The following CEP128 variants were observed in gnomAD, a reference collection of about 807,000 sequenced individuals.
CEP128 encodes centrosomal protein 128, also known as centrosomal protein 128kDa.
In CEP128, 132 loss-of-function variants were observed where a neutral mutation model predicts 156.7. The ratio of observed to expected loss-of-function variants is 0.84; its 90% CI spans 0.73 to 0.97. The LOEUF (loss-of-function observed/expected upper bound fraction) is 0.97. Ranked by LOEUF, CEP128 falls within the 50% of genes least tolerant of loss-of-function variation. The pLI, the probability that CEP128 is intolerant of heterozygous loss-of-function variation, is 0.00. For missense variants in CEP128, 1,252 were observed against 1,281.9 expected (o/e 0.98, Z 0.36); for synonymous variants, 469 against 448.9 (o/e 1.04, Z -0.57).
intron 4 of CEP128, among the ~76,000 whole-genome samples, chr14:80,912,428 A>C (rs1294911228): frequency 6.6e-6 from 1 of 152,162 alleles, no homozygotes; most frequent in African/African-American, 2.4e-5. Flanking sequence ...CTAAGTAGGG[A>C]TCTAATATTC....
At chr14:80,859,019 C>A (rs1887365685) in intron 9 of CEP128, among the ~76,000 whole-genome samples, 1 of 151,808 alleles carries the variant, frequency 6.6e-6, no homozygotes, top group Non-Finnish European at 1.5e-5. Flanking sequence ...ACTAGAAATA[C>A]CATTTAACCC....
At chr14:80,501,364 A>G (rs994462302) in intron 24 of CEP128, among the ~76,000 whole-genome samples, 15 of 152,170 alleles carry the variant, frequency 9.9e-5, no homozygotes, top group Non-Finnish European at 5.9e-5. Flanking sequence ...CAACAACAAC[A>G]TTGGATTTTG....
intron 13 of CEP128, among the ~76,000 whole-genome samples, chr14:80,814,839 A>AGGAGTT (rs1301840778): frequency 6.6e-6 from 1 of 152,200 alleles, no homozygotes; most frequent in Non-Finnish European, 1.5e-5. Context: ...CAGGCAAATC[A>AGGAGTT]CGAGGTCAGG....
intron 19 of CEP128, among the ~76,000 whole-genome samples, chr14:80,684,362 C>A (rs943051406): frequency 6.6e-6 from 1 of 152,076 alleles, no homozygotes; most frequent in East Asian, 1.9e-4. Context: ...TGAATAAATT[C>A]TTGAAAATAC....
intron 9 of CEP128, among the ~76,000 whole-genome samples, chr14:80,850,441 C>T (rs1886834113): frequency 6.6e-6 from 1 of 152,138 alleles, no homozygotes. Flanking sequence ...TAGTAATTCC[C>T]TATCAAGTAT....
intron 2 of CEP128, among the ~76,000 whole-genome samples, chr14:80,920,548 A>G (rs959036077): frequency 1.3e-5 from 2 of 152,208 alleles, no homozygotes; most frequent in Non-Finnish European, 2.9e-5. Context: ...GTAAATAGTA[A>G]TATCACTGGC....
chr14:80,555,171 A>G (rs1890378723), intron 21 of CEP128, among the ~76,000 whole-genome samples: 1 of 152,102 alleles, frequency 6.6e-6, no homozygotes, highest in Non-Finnish European at 1.5e-5. Context: ...TCTCCTATGA[A>G]CCGACAGGGG....
intron 16 of CEP128, among the ~76,000 whole-genome samples, chr14:80,765,456 G>A (rs1900192523): frequency 6.6e-6 from 1 of 152,166 alleles, no homozygotes; most frequent in Admixed American, 6.5e-5. Context: ...TGGTCTTTCA[G>A]TCAATTCAGA....
chr14:80,835,500 T>C (rs1458758883), intron 12 of CEP128, among the ~76,000 whole-genome samples: 1 of 152,128 alleles, frequency 6.6e-6, no homozygotes, highest in Non-Finnish European at 1.5e-5. Flanking sequence ...CACCAATACT[T>C]TGAGCATTTG....
Position 80,900,038 on chromosome 14 carries a change from G to A in CEP128, c.481-9C>T. The A allele has an allele frequency of 6.3e-7, 1 of 1,575,376 alleles. No homozygotes were observed. The highest frequency in any genetic ancestry group is 8.7e-7 in the Non-Finnish European group (1 of 1,147,902). On this transcript the variant is annotated splice_polypyrimidine_tract_variant and intron_variant, in intron 6 of 24. Transcript: ENST00000555265. ...TGATGAAAACCATGAAGCTAGCAAA[G>A]GCAAAACACAGTTATCCATTTAGAA...
chr14:80,585,422 T>C (rs1482516083), intron 19 of CEP128, among the ~76,000 whole-genome samples: 1 of 152,228 alleles, frequency 6.6e-6, no homozygotes, highest in Non-Finnish European at 1.5e-5. Context: ...GTGAGTCATG[T>C]CCAGGTGTGT....
At chr14:80,732,491 TG>T in intron 19 of CEP128, among the ~76,000 whole-genome samples, 1 of 149,632 alleles carries the variant, frequency 6.7e-6, no homozygotes, top group Non-Finnish European at 1.5e-5. Flanking sequence ...TGTGTGTGTG[TG>T]TGTGTGTGTG....
At position 80,564,309 on chromosome 14, in the gene CEP128, C is replaced by A. The variant is rs184533028; in HGVS notation, c.2857-5007G>T. The stretch of plus-strand genomic sequence containing the variant: ...GGAGCAGTGCTAATAGCTGTTCTTA[C>A]CAATAAGTGAATATTACACTTTCTA... On this transcript the variant is annotated intron_variant, in intron 20 of 24. Transcript: ENST00000555265. 2.0e-3 allele frequency among the ~76,000 whole-genome samples: 305 copies of A among 152,252 alleles called. 2 individuals carry two copies. The highest frequency in any genetic ancestry group is 7.2e-3 in the African/African-American group (298 of 41,566).
intron 2 of CEP128, 45 bp downstream of exon 2, chr14:80,939,340 C>CAA (rs3832963): frequency 5.3e-5 from 8 of 151,832 alleles, no homozygotes; most frequent in African/African-American, 1.2e-4. Flanking sequence ...CATAAATATG[C>CAA]AAAAAATGTG....
chr14:80,892,626 G>C (rs1215367418), intron 8 of CEP128, among the ~76,000 whole-genome samples: 9 of 151,822 alleles, frequency 5.9e-5, no homozygotes, highest in Admixed American at 6.6e-5. Context: ...TACAAATTGA[G>C]AAAAATATTG....
At chr14:80,941,960 T>TG (rs1046408872), upstream of CEP128, among the ~76,000 whole-genome samples, 32 of 151,970 alleles carry the variant, frequency 2.1e-4, 1 homozygote, top group East Asian at 5.4e-3. Context: ...ATTTTTTTTT[T>TG]TTGTTAAAGG....
intron 24 of CEP128, among the ~76,000 whole-genome samples, 197 bp from the exon 25 acceptor site, chr14:80,497,779 T>A (rs1887557112): frequency 6.6e-6 from 1 of 152,154 alleles, no homozygotes; most frequent in Non-Finnish European, 1.5e-5. Flanking sequence ...AACACGAGAA[T>A]TAAACTTTTT....
At chr14:80,944,735 C>T (rs916939075), upstream of CEP128, among the ~76,000 whole-genome samples, 74 of 141,246 alleles carry the variant, frequency 5.2e-4, no homozygotes, top group African/African-American at 1.8e-3. Flanking sequence ...GGCAGGAGAA[C>T]GGCGTAAACC....
At chr14:80,791,379 T>C (rs762950203) in intron 14 of CEP128, among the ~76,000 whole-genome samples, 36 of 152,212 alleles carry the variant, frequency 2.4e-4, no homozygotes, top group Non-Finnish European at 4.7e-4. Flanking sequence ...GGGAAATGAT[T>C]GTTAAACAAT....
Sources: allele counts gnomAD v4.1 joint callset (sites outside exome capture counted in the v4.1 genomes callset), GRCh38; gene constraint gnomAD v4.1.1; transcripts MANE v1.5; gene names NCBI Gene and HGNC (gene_info 2026-07-23, HGNC 2026-07-21).